FEZ2: variants seen among roughly 807,000 people sequenced by gnomAD.
FEZ2 encodes fasciculation and elongation protein zeta-2.
Under a neutral mutation model 40.4 loss-of-function variants are expected in FEZ2, and 51 were observed. The observed-to-expected ratio is 1.26, with a 90% CI of 1.01 to 1.59. FEZ2 has a LOEUF of 1.59. FEZ2 is among the 40% of genes most tolerant of loss of function. The pLI is 0.00. For missense variants in FEZ2, 640 were observed against 438.3 expected (o/e 1.46, Z -4.11); for synonymous variants, 242 against 172.0 (o/e 1.41, Z -3.18).
chr2:36,593,534 C>T lies in FEZ2; in HGVS notation c.267-2523G>A, dbSNP rs548289315. ...TGGGCTCAACACCACATGGAAGCTG[C>T]CAAGGCTTGGGGCTTGCACCCTCTG... On this transcript the variant is annotated intron_variant, in intron 1 of 7. Coordinates refer to ENST00000405912, the MANE Select transcript of FEZ2 (RefSeq NM_005102.3). 1.6e-3 allele frequency among the ~76,000 whole-genome samples: 244 copies of T among 152,232 alleles called. 2 individuals carry two copies. Among genetic ancestry groups the T allele is most frequent in the African/African-American group, 5.5e-3 (227 of 41,590 alleles).
At chr2:36,557,217 C>G (rs1357031440) in intron 6 of FEZ2, 1 of 152,152 alleles carries the variant, frequency 6.6e-6, no homozygotes, top group Non-Finnish European at 1.5e-5. Context: ...TTAAGAGATC[C>G]AGCTCTGTAA....
At chr2:36,579,206 AG>A (rs61623317) in intron 4 of FEZ2, 84,051 of 210,208 alleles carry the variant, frequency 0.4, 17,477 homozygotes, top group East Asian at 0.63. Flanking sequence ...CAAACACAAA[AG>A]TCGAGGGAAA....
intron 5 of FEZ2, among the ~76,000 whole-genome samples, chr2:36,559,499 A>C (rs1393957883): frequency 6.6e-6 from 1 of 152,242 alleles, no homozygotes; most frequent in African/African-American, 2.4e-5. Context: ...AAGCTGCTTT[A>C]CAGTAACTGG....
At chr2:36,590,837 GC>G in intron 2 of FEZ2, 65 bp downstream of exon 2, 1 of 929,798 alleles carries the variant, frequency 1.1e-6, no homozygotes, top group Admixed American at 1.9e-5. Flanking sequence ...AAGCAGAAAT[GC>G]TACTGTTTTA....
intron 5 of FEZ2, among the ~76,000 whole-genome samples, chr2:36,566,937 T>A (rs1329945966): frequency 7.0e-6 from 1 of 143,660 alleles, no homozygotes; most frequent in Non-Finnish European, 1.5e-5. Context: ...AACACACACA[T>A]ACGCATAGAC....
At chr2:36,560,935 G>A in intron 5 of FEZ2, 1 of 914,002 alleles carries the variant, frequency 1.1e-6, no homozygotes, top group South Asian at 1.7e-5. Context: ...TAGTAAGAAT[G>A]TACCATGATG....
chr2:36,576,841 C>T (rs1020127448), intron 5 of FEZ2, among the ~76,000 whole-genome samples: 2 of 152,198 alleles, frequency 1.3e-5, no homozygotes, highest in Admixed American at 6.5e-5. Context: ...ACCCTTTTTA[C>T]ATGGGAGTTA....
chr2:36,561,296 G>A (rs1029688060), intron 5 of FEZ2: 1 of 152,836 alleles, frequency 6.5e-6, no homozygotes, highest in South Asian at 2.1e-4. Context: ...CATCAGTTTG[G>A]AGAACATTAA....
chr2:36,584,427 T>G (rs1668841596), intron 2 of FEZ2, among the ~76,000 whole-genome samples: 1 of 152,200 alleles, frequency 6.6e-6, no homozygotes, highest in Non-Finnish European at 1.5e-5. Flanking sequence ...TAAACAGCCT[T>G]AGAGTTTAGT....
At position 36,597,730 on chromosome 2, in the gene FEZ2, G is replaced by A. The variant is rs911097049; in HGVS notation, c.266+147C>T. ...TTAAATTGCTGGGCGAGCCGAGGCCGACGGCCGGAGGAAGGAGGCGAGAGG... is the reference window on the plus strand; with the variant it reads ...TTAAATTGCTGGGCGAGCCGAGGCCAACGGCCGGAGGAAGGAGGCGAGAGG... On this transcript the variant is annotated intron_variant, in intron 1 of 7. Transcript: ENST00000405912. 3.3e-5 allele frequency: 19 copies of A among 581,096 alleles called. No individual in the cohort carries two copies. The East Asian group carries it at 5.2e-4, about 16-fold the overall frequency. The allele number at this position is 581,096 out of a possible 1,614,324, so 36.0% of individuals were successfully genotyped here.
chr2:36,568,167 A>AGAGACAGAAGGGGTAGGGGAGGAGG (rs1668300747), intron 5 of FEZ2, among the ~76,000 whole-genome samples: 1 of 151,512 alleles, frequency 6.6e-6, no homozygotes, highest in Non-Finnish European at 1.5e-5. Context: ...AAGGAAAGGG[A>AGAGACAGAAGGGGTAGGGGAGGAGG]GAGACAGAAG....
At chr2:36,573,468 A>G (rs973543470) in intron 5 of FEZ2, among the ~76,000 whole-genome samples, 10 of 152,234 alleles carry the variant, frequency 6.6e-5, no homozygotes, top group African/African-American at 2.4e-4. Flanking sequence ...TCCCCCAATA[A>G]AAATCCCCAA....
chr2:36,592,768 T>C (rs889108371), intron 1 of FEZ2, among the ~76,000 whole-genome samples: 2 of 152,070 alleles, frequency 1.3e-5, no homozygotes, highest in Admixed American at 6.5e-5. Flanking sequence ...TGAGCTATGA[T>C]GGCACCACTG....
chr2:36,582,327 A>G (rs1246622266), intron 3 of FEZ2, among the ~76,000 whole-genome samples: 1 of 152,212 alleles, frequency 6.6e-6, no homozygotes, highest in Admixed American at 6.5e-5. Context: ...GATTTCCACC[A>G]AGGAAAAACA....
rs765276933 is a variant in FEZ2, at chr2:36,598,125, G to C, written c.18C>G (p.Asp6Glu). The C allele has an allele frequency of 2.7e-6, 4 of 1,479,002 alleles. No individual in the cohort carries two copies. Among genetic ancestry groups the C allele is most frequent in the East Asian group, 3.0e-5 (1 of 33,388 alleles). The allele number at this position is 1,479,002 out of a possible 1,614,324, so 91.6% of individuals were successfully genotyped here. Reference sequence around the variant, plus strand: ...CCTGGAACTCATAGAAATCCTGCCAGTCCCCGTCCGCCGCCATCGCCGCCC... The same window carrying C: ...CCTGGAACTCATAGAAATCCTGCCACTCCCCGTCCGCCGCCATCGCCGCCC... Reference protein sequence around the residue: MAADGDWQDFYEFQEP... With the variant: MAADGEWQDFYEFQEP... Residue 6 changes from aspartate to glutamate, a missense_variant, in exon 1 of 8, where the codon GAC becomes GAG. Physicochemically the swap from Asp to Glu is conservative, Grantham distance 45. Transcript: ENST00000405912.
intron 1 of FEZ2, among the ~76,000 whole-genome samples, chr2:36,592,274 GA>G (rs1289092296): frequency 6.6e-6 from 1 of 151,444 alleles, no homozygotes; most frequent in African/African-American, 2.4e-5. Flanking sequence ...ACATAAGAAT[GA>G]ATTTTTTTTT....
chr2:36,588,398 C>T lies in FEZ2; in HGVS notation c.375+2505G>A, dbSNP rs796816979. On this transcript the variant is annotated intron_variant, in intron 2 of 7. Coordinates refer to ENST00000405912, the MANE Select transcript of FEZ2 (RefSeq NM_005102.3). ...TTACTAATCACTGCCTTGGCCATAT[C>T]ATTACCGTGGCATTGAAAATAACAT... 2.6e-5 allele frequency among the ~76,000 whole-genome samples: 4 copies of T among 152,164 alleles called. No individual in the cohort carries two copies. In the South Asian group the frequency reaches 8.3e-4, roughly 32 times the overall value.
intron 5 of FEZ2, among the ~76,000 whole-genome samples, chr2:36,564,619 TC>T (rs1310049464): frequency 3.9e-5 from 6 of 152,060 alleles, no homozygotes; most frequent in Non-Finnish European, 7.4e-5. Flanking sequence ...ATGCCTACTT[TC>T]TACTCGGACG....
chr2:36,560,799 C>T (rs1272964881), intron 5 of FEZ2: 1 of 1,607,028 alleles, frequency 6.2e-7, no homozygotes, highest in Admixed American at 1.7e-5. Flanking sequence ...TTCTCTCCAC[C>T]TGAATTTCCA....
Sources: allele counts gnomAD v4.1 joint callset (sites outside exome capture counted in the v4.1 genomes callset), GRCh38; gene constraint gnomAD v4.1.1; transcripts MANE v1.5; gene names NCBI Gene and HGNC (gene_info 2026-07-23, HGNC 2026-07-21).